DENND2C: variants seen among roughly 807,000 people sequenced by gnomAD.
DENND2C encodes the protein DENN domain-containing protein 2C.
A neutral mutation model predicts 112.4 loss-of-function variants in DENND2C; 72 were observed. The ratio of observed to expected loss-of-function variants is 0.64; its 90% confidence interval spans 0.53 to 0.78. The LOEUF is 0.78. DENND2C is among the 30% of genes least tolerant of loss of function. The pLI, the probability that DENND2C is intolerant of heterozygous loss-of-function variation, is 0.00. For synonymous variants in DENND2C, 329 were observed against 381.6 expected (o/e 0.86, Z 1.61); for missense variants, 992 against 1,113.8 (o/e 0.89, Z 1.56).
At chr1:114,660,337 T>C (rs1657459370) in intron 1 of DENND2C, among the ~76,000 whole-genome samples, 2 of 152,208 alleles carry the variant, frequency 1.3e-5, no homozygotes, top group Non-Finnish European at 2.9e-5. Context: ...ACACCATTCT[T>C]AGCCCTTAGA....
chr1:114,602,412 C>A (rs920521303), intron 11 of DENND2C, among the ~76,000 whole-genome samples: 1 of 152,142 alleles, frequency 6.6e-6, no homozygotes, highest in East Asian at 1.9e-4. Flanking sequence ...ACATTCATTG[C>A]AAGTTACACT....
rs1485461769 is a variant in DENND2C, at chr1:114,585,042, CTAAG to C, written c.*554_*557del. Reference sequence around the variant, plus strand: ...ATAATATTACAAGTAGGGCTTCCTCCTAAGTGAGATTCCCCTAGATATAATATAA... The same window carrying C: ...ATAATATTACAAGTAGGGCTTCCTCCTGAGATTCCCCTAGATATAATATAA... On this transcript the variant is annotated 3_prime_UTR_variant, in exon 21 of 21. Transcript: ENST00000393274. The C allele has an allele frequency of 6.6e-6, 1 of 152,236 alleles. No individual in the cohort carries two copies. The highest frequency in any genetic ancestry group is 2.4e-5 in the African/African-American group (1 of 41,426). The allele number at this position is 152,236 out of a possible 1,614,324, so 9.4% of individuals were successfully genotyped here.
chr1:114,657,987 C>T (rs1331383172), intron 1 of DENND2C, among the ~76,000 whole-genome samples: 1 of 152,172 alleles, frequency 6.6e-6, no homozygotes, highest in East Asian at 1.9e-4. Flanking sequence ...AGGTCTTCCA[C>T]TGGAACTGAA....
chr1:114,621,829 T>C, intron 7 of DENND2C, 66 bp downstream of exon 7: 1 of 1,535,878 alleles, frequency 6.5e-7, no homozygotes, highest in Non-Finnish European at 8.8e-7. Flanking sequence ...GGTCTAAAGT[T>C]TACTTATTCT....
Position 114,600,884 on chromosome 1 carries a change from G to A in DENND2C, c.1892C>T (p.Ala631Val). The A allele has an allele frequency of 5.0e-6, 8 of 1,614,082 alleles. No homozygotes were observed. The highest frequency in any genetic ancestry group is 6.8e-6 in the Non-Finnish European group (8 of 1,179,974). ...GGTGCGTCCAGGAGCTGGGAAAGGAGCTTCCATGACACTTCGCATGAATGG... is the reference window on the plus strand; with the variant it reads ...GGTGCGTCCAGGAGCTGGGAAAGGAACTTCCATGACACTTCGCATGAATGG... ...VYPFMRSVMEAPFPAPGRTIT... is the reference protein window; with the variant it reads ...VYPFMRSVMEVPFPAPGRTIT... The change falls in exon 14 of 21, where the codon GCT becomes GTT. Residue 631 changes from alanine (A) to valine (V), a missense_variant. Ala to Val is a moderately conservative substitution (Grantham distance 64). This residue lies in a region of DENND2C where 516 missense variants were observed against 623.6 expected (regional missense o/e 0.83). Coordinates refer to ENST00000393274, the MANE Select transcript of DENND2C (RefSeq NM_001256404.2).
rs760957054 is a variant in DENND2C, at chr1:114,600,861, T to C, written c.1915A>G (p.Thr639Ala). The change falls in exon 14 of 21, where the codon ACC becomes GCC. Residue 639 changes from threonine to alanine, a missense_variant. Physicochemically the swap from Thr to Ala is moderately conservative, Grantham distance 58 (BLOSUM62 0). Around this residue, in one of 3 missense-constraint regions of DENND2C, gnomAD observed 516 missense variants for 623.6 expected, o/e 0.83. Coordinates refer to ENST00000393274, the MANE Select transcript of DENND2C (RefSeq NM_001256404.2). ...MEAPFPAPGR[T>A]ITVKSYLPGA... ...GGGAGGTAACTCTTAACTGTGATGGTGCGTCCAGGAGCTGGGAAAGGAGCT... is the reference window on the plus strand; with the variant it reads ...GGGAGGTAACTCTTAACTGTGATGGCGCGTCCAGGAGCTGGGAAAGGAGCT... 1 of 1,614,066 alleles carries C rather than the reference T, an allele frequency of 6.2e-7. No individual in the cohort carries two copies.
intron 18 of DENND2C, among the ~76,000 whole-genome samples, chr1:114,590,141 C>T (rs539577704): frequency 3.4e-4 from 52 of 152,252 alleles, no homozygotes; most frequent in African/African-American, 1.2e-3. Context: ...TGCCTGTAAT[C>T]CCAACACTTC....
chr1:114,612,731 G>A (rs1016375703), intron 8 of DENND2C, among the ~76,000 whole-genome samples: 1 of 152,120 alleles, frequency 6.6e-6, no homozygotes, highest in African/African-American at 2.4e-5. Flanking sequence ...TGTTGGTCAG[G>A]CTGGTCTTGA....
At chr1:114,599,215 A>C in intron 16 of DENND2C, 59 bp downstream of exon 16, 1 of 1,362,032 alleles carries the variant, frequency 7.3e-7, no homozygotes, top group Non-Finnish European at 1.0e-6. Flanking sequence ...CACCACTCTT[A>C]AGATCACTTA....
chr1:114,652,448 T>C lies in DENND2C; in HGVS notation c.-317+2057A>G, dbSNP rs1211095621. Among the ~76,000 whole-genome samples the C allele has an allele frequency of 3.3e-5, 5 of 152,174 alleles. No individual in the cohort carries two copies. In the East Asian group the frequency reaches 9.7e-4, roughly 29 times the overall value. ...GGGGGGTGGGCAGGCTATAGTTCTC[T>C]TCCTCAAATTGTAGGAGATGGGTAG... On this transcript the variant is annotated intron_variant, in intron 2 of 20. Transcript: ENST00000393274.
intron 18 of DENND2C, among the ~76,000 whole-genome samples, chr1:114,589,699 C>T (rs566737467): frequency 6.6e-6 from 1 of 152,144 alleles, no homozygotes; most frequent in East Asian, 1.9e-4. Flanking sequence ...CTCACTGCTA[C>T]ATCTTAATTT....
At chr1:114,616,828 C>G (rs930528310) in intron 8 of DENND2C, among the ~76,000 whole-genome samples, 1 of 152,110 alleles carries the variant, frequency 6.6e-6, no homozygotes, top group East Asian at 1.9e-4. Flanking sequence ...GCACTCCAGC[C>G]TTGGCAACAA....
intron 8 of DENND2C, among the ~76,000 whole-genome samples, chr1:114,614,243 A>C (rs973708787): frequency 4.6e-5 from 7 of 152,156 alleles, no homozygotes; most frequent in Admixed American, 2.0e-4. Flanking sequence ...AAAAAAAAAA[A>C]AAAAACTGAA....
At chr1:114,605,834 C>T (rs1477123188) in intron 10 of DENND2C, among the ~76,000 whole-genome samples, 1 of 152,110 alleles carries the variant, frequency 6.6e-6, no homozygotes, top group Non-Finnish European at 1.5e-5. Context: ...GAATCCACCC[C>T]ATATATAATC....
chr1:114,584,109 A>T lies in DENND2C; in HGVS notation c.*1491T>A, dbSNP rs1166206272. The T allele has an allele frequency of 6.6e-6, 1 of 152,186 alleles. No individual in the cohort carries two copies. The highest frequency in any genetic ancestry group is 1.5e-5 in the Non-Finnish European group (1 of 68,032). 9.4% of individuals were successfully genotyped at this position (152,186 alleles called of 1,614,324 possible). On this transcript the variant is annotated 3_prime_UTR_variant, in exon 21 of 21. Coordinates refer to ENST00000393274, the MANE Select transcript of DENND2C (RefSeq NM_001256404.2). Reference sequence around the variant, plus strand: ...CTGGTACACTTAATAGAAAATTTTTATTAATAAAAGAAATAGCTATATAAT... The same window carrying T: ...CTGGTACACTTAATAGAAAATTTTTTTTAATAAAAGAAATAGCTATATAAT...
At chr1:114,656,008 G>A (rs1383719134) in intron 1 of DENND2C, among the ~76,000 whole-genome samples, 1 of 151,442 alleles carries the variant, frequency 6.6e-6, no homozygotes, top group South Asian at 2.1e-4. Context: ...TTCTCCTGTT[G>A]ACTGATATGT....
Position 114,585,441 on chromosome 1 carries a change from A to C in DENND2C, c.*159T>G. 1 of 697,800 alleles carries C rather than the reference A, an allele frequency of 1.4e-6. No homozygotes were observed. Among genetic ancestry groups the C allele is most frequent in the Non-Finnish European group, 2.4e-6 (1 of 409,790 alleles). The allele number at this position is 697,800 out of a possible 1,614,324, so 43.2% of individuals were successfully genotyped here. A position where few individuals can be genotyped will look rare whatever the true frequency, so the allele number is the denominator to read the frequency against. On this transcript the variant is annotated 3_prime_UTR_variant, in exon 21 of 21. Transcript: ENST00000393274. ...CCAACAATTCTCCAGTGATTACTAC[A>C]GCAGCAACAGGAGAATCCTCCTCTA...
chr1:114,597,485 C>T (rs1655375356), intron 16 of DENND2C, among the ~76,000 whole-genome samples: 1 of 148,736 alleles, frequency 6.7e-6, no homozygotes, highest in Admixed American at 6.8e-5. Flanking sequence ...GCATCTTGAA[C>T]AATAAGAGAG....
chr1:114,606,780 A>G (rs76849660), intron 10 of DENND2C, among the ~76,000 whole-genome samples: 24 of 152,298 alleles, frequency 1.6e-4, no homozygotes, highest in East Asian at 1.4e-3. Context: ...GCAGTCTGCA[A>G]TCCGGTACAC....
Sources: gnomAD v4.1 joint callset for allele counts (sites outside exome capture counted in the v4.1 genomes callset) on GRCh38, gnomAD v4.1.1 for gene constraint, gnomAD v4.1.1 regional missense constraint, MANE v1.5 for transcripts, NCBI Gene and HGNC (gene_info 2026-07-23, HGNC 2026-07-21) for gene names.